The following VWA2 variants were observed in gnomAD, a reference collection of about 807,000 sequenced individuals.
The protein encoded by VWA2 is von Willebrand factor A domain-containing protein 2.
In VWA2, 73 loss-of-function variants were observed where a neutral mutation model predicts 70.4. The observed-to-expected ratio is 1.04, with a 90% CI of 0.86 to 1.26. The LOEUF (loss-of-function observed/expected upper bound fraction) is 1.26. Ranked by LOEUF, VWA2 falls within the 50% of genes most tolerant of loss-of-function variation. The pLI is 0.00. For synonymous variants in VWA2, 407 were observed against 423.3 expected (o/e 0.96, Z 0.47); for missense variants, 1,011 against 998.5 (o/e 1.01, Z -0.17).
intron 10 of VWA2, 44 bp from the exon 11 acceptor site, chr10:114,285,895 G>T (rs764785279): frequency 3.3e-6 from 5 of 1,531,180 alleles, no homozygotes; most frequent in Non-Finnish European, 3.5e-6. Context: ...CTCGCATGCC[G>T]CATGACCATG....
intron 8 of VWA2, among the ~76,000 whole-genome samples, chr10:114,280,521 C>T (rs1037499881): frequency 1.3e-5 from 2 of 151,976 alleles, no homozygotes; most frequent in Non-Finnish European, 2.9e-5. Flanking sequence ...GTGTCCAGAC[C>T]TGAGGGAGGT....
chr10:114,261,158 G>T, intron 4 of VWA2, 28 bp from the exon 5 acceptor site: 1 of 1,553,060 alleles, frequency 6.4e-7, no homozygotes, highest in Non-Finnish European at 8.9e-7. Context: ...CAGTCTCGGG[G>T]CCCTGAGCCC....
rs767635140 is a variant in VWA2 at position 114,289,457 on chromosome 10, A to AC, written c.2092dup (p.Gln698ProfsTer6). 14 of 1,614,176 alleles carry AC rather than the reference A, an allele frequency of 8.7e-6. No homozygotes were observed. In the South Asian group the frequency reaches 1.4e-4, roughly 16 times the overall value. ...GCAGCTTACGCCGACCTGCGGTACC[A>AC]CCAGGACGTGCTCATTGAGTGGCTG... is the stretch of plus-strand genomic sequence containing the variant. On this transcript the variant is annotated frameshift_variant, in exon 12 of 14. Coordinates refer to ENST00000392982, the MANE Select transcript of VWA2 (RefSeq NM_001272046.2). LOFTEE classifies it high-confidence loss of function.
chr10:114,252,976 G>C (rs1261628459), intron 2 of VWA2, among the ~76,000 whole-genome samples: 2 of 151,612 alleles, frequency 1.3e-5, no homozygotes, highest in East Asian at 3.9e-4. Context: ...TGTTTCCTCT[G>C]TGCTGTCACT....
chr10:114,261,953 G>T (rs888331241), intron 5 of VWA2, among the ~76,000 whole-genome samples: 2 of 152,146 alleles, frequency 1.3e-5, no homozygotes, highest in Non-Finnish European at 2.9e-5. Flanking sequence ...AAAGGTGGGG[G>T]GGCAGGTGCA....
chr10:114,246,105 G>A, intron 1 of VWA2: 1 of 792,190 alleles, frequency 1.3e-6, no homozygotes. Context: ...CAGATGCATG[G>A]TGAGAAGGTA....
At chr10:114,279,612 G>C (rs1181480015) in intron 8 of VWA2, among the ~76,000 whole-genome samples, 1 of 152,218 alleles carries the variant, frequency 6.6e-6, no homozygotes, top group Non-Finnish European at 1.5e-5. Context: ...CCCTACATAA[G>C]GGTCAGAGGA....
At chr10:114,246,505 CAAAAAAAAAA>C in intron 1 of VWA2, 4 of 382,566 alleles carry the variant, frequency 1.0e-5, no homozygotes, top group Middle Eastern at 1.5e-3. Context: ...AACTCCATCT[CAAAAAAAAAA>C]AAAAAAAAAA....
intron 4 of VWA2, among the ~76,000 whole-genome samples, chr10:114,255,509 T>G (rs1436688844): frequency 6.6e-6 from 1 of 152,044 alleles, no homozygotes; most frequent in Non-Finnish European, 1.5e-5. Flanking sequence ...GTTTTTGGGG[T>G]AGGGAGTAGA....
chr10:114,247,123 G>A (rs1029749546), intron 1 of VWA2, among the ~76,000 whole-genome samples: 2 of 151,616 alleles, frequency 1.3e-5, no homozygotes, highest in Non-Finnish European at 2.9e-5. Context: ...GAGTGAGTGT[G>A]TCACTTATTG....
In VWA2 at chr10:114,289,436, C is replaced by T. The variant is rs2039319957; in HGVS notation, c.2069C>T (p.Ala690Val). The T allele has an allele frequency of 6.2e-7, 1 of 1,614,188 alleles. No individual in the cohort carries two copies. Among genetic ancestry groups the T allele is most frequent in the African/African-American group, 1.3e-5 (1 of 75,066 alleles). The change falls in exon 12 of 14, where the codon GCT becomes GTT. Residue 690 changes from alanine (A) to valine (V), a missense_variant. Physicochemically the swap from Ala to Val is moderately conservative, Grantham distance 64. Coordinates refer to ENST00000392982, the MANE Select transcript of VWA2 (RefSeq NM_001272046.2). The part of the protein sequence containing the change: ...GPRDSLIHVA[A>V]YADLRYHQDV... ...CGGGATTCCCTGATCCACGTGGCAG[C>T]TTACGCCGACCTGCGGTACCACCAG...
chr10:114,265,655 T>G (rs998478822), intron 5 of VWA2, among the ~76,000 whole-genome samples: 3 of 152,188 alleles, frequency 2.0e-5, no homozygotes, highest in African/African-American at 7.2e-5. Context: ...TCAGCTGTGT[T>G]GAGGTCATAA....
In VWA2 at chr10:114,260,337, G is replaced by A. The variant is rs563079526; in HGVS notation, c.262-849G>A. Among the ~76,000 whole-genome samples, 3 of 152,314 alleles carry A rather than the reference G, an allele frequency of 2.0e-5. No individual in the cohort carries two copies. The South Asian group carries it at 6.2e-4, about 32-fold the overall frequency. On this transcript the variant is annotated intron_variant, in intron 4 of 13. Coordinates refer to ENST00000392982, the MANE Select transcript of VWA2 (RefSeq NM_001272046.2). ...TCCTCAGTTAGGACACAAAATCTAT[G>A]TGGATTCACCAGTGTTCTCCTTAAT...
chr10:114,248,107 CAAA>C (rs57749043), intron 1 of VWA2, among the ~76,000 whole-genome samples: 3 of 98,890 alleles, frequency 3.0e-5, no homozygotes, highest in Admixed American at 1.1e-4. Flanking sequence ...GACTCCATCT[CAAA>C]AAAAAAAAAA....
In VWA2 at chr10:114,294,179, A is replaced by AT. The variant is rs1032573418; in HGVS notation, c.*2945dup. 2.0e-5 allele frequency among the ~76,000 whole-genome samples: 3 copies of AT among 152,110 alleles called. No individual in the cohort carries two copies. Among genetic ancestry groups the AT allele is most frequent in the African/African-American group, 7.2e-5 (3 of 41,428 alleles). The stretch of plus-strand genomic sequence containing the variant: ...TTCTATAAACCCTGCTGAATTTTTC[A>AT]TTTGCCAACATCTTATTTCAGATTC... On this transcript the variant is annotated 3_prime_UTR_variant, in exon 14 of 14. Coordinates refer to ENST00000392982, the MANE Select transcript of VWA2 (RefSeq NM_001272046.2).
At chr10:114,257,522 A>C (rs1035186965) in intron 4 of VWA2, among the ~76,000 whole-genome samples, 9 of 152,218 alleles carry the variant, frequency 5.9e-5, no homozygotes, top group African/African-American at 2.2e-4. Flanking sequence ...AGAGAGGCTA[A>C]GTGACTGCCG....
chr10:114,284,929 A>G lies in VWA2; in HGVS notation c.956A>G (p.Gln319Arg), dbSNP rs760567597. The G allele has an allele frequency of 1.1e-5, 18 of 1,605,626 alleles. No individual in the cohort carries two copies. Among genetic ancestry groups the G allele is most frequent in the Middle Eastern group, 1.7e-4 (1 of 5,962 alleles). Residue 319 changes from glutamine to arginine, a missense_variant, in exon 10 of 14, where the codon CAG becomes CGG. Coordinates refer to ENST00000392982, the MANE Select transcript of VWA2 (RefSeq NM_001272046.2). ...TCVPEGLDGYQCLCPLAFGGE... is the reference protein window; with the variant it reads ...TCVPEGLDGYRCLCPLAFGGE... ...GTTCCAGAAGGACTGGACGGCTACC[A>G]GTGCCTCTGCCCGCTGGCCTTTGGA...
chr10:114,246,303 C>A, intron 1 of VWA2: 2 of 602,046 alleles, frequency 3.3e-6, no homozygotes, highest in East Asian at 6.2e-5. Flanking sequence ...GAGTTCAAGA[C>A]CAGCCTGATC....
chr10:114,268,487 A>G (rs2037623195), intron 5 of VWA2, among the ~76,000 whole-genome samples: 1 of 151,994 alleles, frequency 6.6e-6, no homozygotes, highest in Non-Finnish European at 1.5e-5. Flanking sequence ...TGAGAATTAT[A>G]TGGGCATATG....
Sources: gnomAD v4.1 joint callset for allele counts (sites outside exome capture counted in the v4.1 genomes callset) on GRCh38, gnomAD v4.1.1 for gene constraint, MANE v1.5 for transcripts, NCBI Gene and HGNC (gene_info 2026-07-23, HGNC 2026-07-21) for gene names.